Variants in HAPLN2 observed in about 807,000 individuals in gnomAD.
HAPLN2 encodes the protein hyaluronan and proteoglycan link protein 2.
A neutral mutation model predicts 29.3 loss-of-function variants in HAPLN2; 27 were observed. The observed-to-expected ratio is 0.92, with a 90% CI of 0.68 to 1.27. The LOEUF is 1.27. Among genes scored for constraint, HAPLN2 ranks in the 50% most tolerant of loss-of-function variants. The pLI, the probability that HAPLN2 is intolerant of heterozygous loss-of-function variation, is 0.00. For synonymous variants in HAPLN2, 208 were observed against 211.7 expected (o/e 0.98, Z 0.15); for missense variants, 454 against 484.3 (o/e 0.94, Z 0.59).
chr1:156,621,761 A>G (rs934855569), intron 2 of HAPLN2, among the ~76,000 whole-genome samples: 2 of 151,150 alleles, frequency 1.3e-5, no homozygotes, highest in African/African-American at 2.4e-5. Flanking sequence ...GAATGTTACA[A>G]TAAAGGAGGA....
Position 156,624,632 on chromosome 1 carries a change from G to GGGCT in HAPLN2, c.594_597dup (p.Leu200AlafsTer62). 1.2e-6 allele frequency: 2 copies of GGGCT among 1,612,610 alleles called. No individual in the cohort carries two copies. The highest frequency in any genetic ancestry group is 1.7e-6 in the Non-Finnish European group (2 of 1,179,630). On this transcript the variant is annotated frameshift_variant, in exon 6 of 7. Transcript: ENST00000255039. LOFTEE classifies it high-confidence loss of function. Reference sequence around the variant, plus strand: ...CCGAGGGTCTGGACTGGTGTAACGCGGGCTGGCTGCTCGAGGGCTCCGTGC... The same window carrying GGGCT: ...CCGAGGGTCTGGACTGGTGTAACGCGGGCTGGCTGGCTGCTCGAGGGCTCCGTGC...
At position 156,625,050 on chromosome 1, in the gene HAPLN2, G is replaced by A. The variant is rs190968146; in HGVS notation, c.740-51G>A. 3.6e-5 allele frequency: 55 copies of A among 1,520,352 alleles called. No individual in the cohort carries two copies. Among genetic ancestry groups the A allele is most frequent in the Non-Finnish European group, 4.6e-5 (53 of 1,139,912 alleles). The allele number at this position is 1,520,352 out of a possible 1,614,324, so 94.2% of individuals were successfully genotyped here. On this transcript the variant is annotated intron_variant, in intron 6 of 6. Transcript: ENST00000255039. The surrounding 1 kb of genome is among the most constrained non-coding windows in gnomAD (Gnocchi z 5.7). ...CAACTCCGCCTCCTGGGTGTCAGCC[G>A]CCCCTCTCCGCCCACCCTGCCCTCG... is the stretch of plus-strand genomic sequence containing the variant.
Position 156,623,900 on chromosome 1 carries a change from G to T in HAPLN2, c.179G>T (p.Gly60Val), listed in dbSNP as rs1157575001. 6.3e-7 allele frequency: 1 copy of T among 1,597,864 alleles called. No homozygotes were observed. The highest frequency in any genetic ancestry group is 8.5e-7 in the Non-Finnish European group (1 of 1,172,334). ...GATATLPCVL[G>V]TTPPSYKVRW... ...ACGGCCACGCTGCCCTGCGTCCTGG[G>T]CACCACGCCTCCCAGCTACAAGGTG... The change falls in exon 4 of 7, where the codon GGC (glycine) becomes GTC (valine). Residue 60 changes from glycine to valine, a missense_variant. This residue lies in a region of HAPLN2 where 204 missense variants were observed against 209.2 expected (regional missense o/e 0.98). Transcript: ENST00000255039.
At chr1:156,608,021 C>T in the HAPLN2 span, among the ~76,000 whole-genome samples, 11 of 152,076 alleles carry the variant, frequency 7.2e-5, no homozygotes, top group Non-Finnish European at 1.5e-4. Flanking sequence ...ACTTCATTAA[C>T]CCTTTGAGTT....
intron 6 of HAPLN2, 125 bp downstream of exon 6, chr1:156,624,908 A>AGGGCG: frequency 9.8e-7 from 1 of 1,017,146 alleles, no homozygotes; most frequent in South Asian, 1.7e-5. Context: ...CCCCCCCATC[A>AGGGCG]GCCCGCCCGC....
chr1:156,612,718 G>A, the HAPLN2 span, among the ~76,000 whole-genome samples: 1 of 152,172 alleles, frequency 6.6e-6, no homozygotes, highest in South Asian at 2.1e-4. Flanking sequence ...TTGCAGAGGA[G>A]TCTTGCTGAT....
the HAPLN2 span, among the ~76,000 whole-genome samples, chr1:156,602,434 G>C: frequency 1.3e-5 from 2 of 151,522 alleles, no homozygotes; most frequent in South Asian, 4.2e-4. Context: ...TGGGTGAGAC[G>C]CGGTGGCTCA....
At chr1:156,606,113 G>A in the HAPLN2 span, among the ~76,000 whole-genome samples, 8 of 151,980 alleles carry the variant, frequency 5.3e-5, no homozygotes, top group East Asian at 1.9e-4. Flanking sequence ...GCGAAATCCC[G>A]TCTTAGCCAG....
chr1:156,618,590 T>A (rs915186156), upstream of HAPLN2, among the ~76,000 whole-genome samples: 33 of 151,628 alleles, frequency 2.2e-4, no homozygotes, highest in African/African-American at 7.3e-4. Flanking sequence ...CCATCCTGGT[T>A]AACACGGGGA....
At chr1:156,624,328 C>A (rs898421912) in intron 4 of HAPLN2, 23 bp from the exon 5 acceptor site, 5 of 1,583,300 alleles carry the variant, frequency 3.2e-6, no homozygotes, top group Non-Finnish European at 4.3e-6. Context: ...CTGGCCCTCC[C>A]CAGGATCCCC....
At chr1:156,616,163 G>A (rs193275691), upstream of HAPLN2, among the ~76,000 whole-genome samples, 1 of 152,032 alleles carries the variant, frequency 6.6e-6, no homozygotes, top group African/African-American at 2.4e-5. Context: ...AGGAGATGTC[G>A]GGACTCCGTG....
At chr1:156,616,144 T>A (rs1342413863), upstream of HAPLN2, among the ~76,000 whole-genome samples, 2 of 151,664 alleles carry the variant, frequency 1.3e-5, no homozygotes, top group Non-Finnish European at 2.9e-5. Context: ...CGAGTGTGGG[T>A]GTTAGAGAAG....
intron 4 of HAPLN2, 95 bp downstream of exon 4, chr1:156,624,255 C>A (rs1678362068): frequency 2.0e-6 from 3 of 1,503,676 alleles, no homozygotes; most frequent in East Asian, 4.9e-5. Flanking sequence ...CCTCCGCACC[C>A]CTGGGGACCC....
At chr1:156,608,804 A>G in the HAPLN2 span, among the ~76,000 whole-genome samples, 1 of 152,090 alleles carries the variant, frequency 6.6e-6, no homozygotes, top group Admixed American at 6.6e-5. Context: ...TTTCTTTTGC[A>G]GTGCTTGCTG....
the HAPLN2 span, among the ~76,000 whole-genome samples, chr1:156,604,646 T>C: frequency 1.3e-5 from 2 of 152,174 alleles, no homozygotes; most frequent in African/African-American, 4.8e-5. Context: ...AAAAAGAAGA[T>C]ACAAAATGTT....
At chr1:156,618,618 A>C (rs1194667653), upstream of HAPLN2, among the ~76,000 whole-genome samples, 3 of 151,816 alleles carry the variant, frequency 2.0e-5, no homozygotes, top group Non-Finnish European at 2.9e-5. Context: ...TCTCTACTTA[A>C]AATACAAAAA....
chr1:156,603,820 G>A, the HAPLN2 span, among the ~76,000 whole-genome samples: 1 of 152,178 alleles, frequency 6.6e-6, no homozygotes, highest in Non-Finnish European at 1.5e-5. Flanking sequence ...TAGGCCTCAC[G>A]ATCTTGTGGG....
chr1:156,611,937 C>T, the HAPLN2 span, among the ~76,000 whole-genome samples: 1 of 152,246 alleles, frequency 6.6e-6, no homozygotes, highest in African/African-American at 2.4e-5. Flanking sequence ...CTACTCCATA[C>T]TGCCTTTTTG....
In HAPLN2 at chr1:156,625,579, C is replaced by T. The variant is rs1206341579; in HGVS notation, c.*195C>T. ...GCGGGGAGGGGAGGCGGGGGCGCCT[C>T]CGGCGGCGAGATGCAGAGGTGACCC... On this transcript the variant is annotated 3_prime_UTR_variant, in exon 7 of 7. Transcript: ENST00000255039. The surrounding 1 kb of genome is among the most constrained non-coding windows in gnomAD (Gnocchi z 5.7). 5.4e-6 allele frequency: 3 copies of T among 554,488 alleles called. No individual in the cohort carries two copies. The highest frequency in any genetic ancestry group is 7.7e-5 in the Admixed American group (2 of 25,980). 34.3% of individuals were successfully genotyped at this position (554,488 alleles called of 1,614,324 possible). A position where few individuals can be genotyped will look rare whatever the true frequency, so the allele number is the denominator to read the frequency against.
Sources: gnomAD v4.1 joint callset for allele counts (sites outside exome capture counted in the v4.1 genomes callset) on GRCh38, gnomAD v4.1.1 for gene constraint, gnomAD v4.1.1 regional missense constraint, Gnocchi (gnomAD v3.1) non-coding constraint, MANE v1.5 for transcripts, NCBI Gene and HGNC (gene_info 2026-07-23, HGNC 2026-07-21) for gene names.